The following PLCG2 variants were observed in gnomAD, a reference collection of about 807,000 sequenced individuals.
PLCG2 encodes the protein 1-phosphatidylinositol 4,5-bisphosphate phosphodiesterase gamma-2.
PLCG2 carries 69 observed loss-of-function variants against 175.6 expected under a neutral mutation model. The observed-to-expected ratio is 0.39, with a 90% CI of 0.32 to 0.48. The LOEUF (loss-of-function observed/expected upper bound fraction) is 0.48, where lower values mean the gene tolerates loss of function less well. Ranked by LOEUF, PLCG2 falls within the 20% of genes least tolerant of loss-of-function variation. The pLI is 0.91. For synonymous variants in PLCG2, 827 were observed against 624.0 expected, an observed-to-expected ratio of 1.33 and a Z score of -4.85; for missense variants, 1,798 against 1,650.9, an observed-to-expected ratio of 1.09 and a Z score of -1.54.
At chr16:81,812,943 G>A (rs986838234) in intron 2 of PLCG2, among the ~76,000 whole-genome samples, 2 of 152,174 alleles carry the variant, frequency 1.3e-5, no homozygotes, top group African/African-American at 2.4e-5. Context: ...TCCTTTCCCC[G>A]TTGCTTGTTT....
chr16:81,857,611 T>A (rs12447177), intron 3 of PLCG2, among the ~76,000 whole-genome samples: 46,640 of 151,954 alleles, frequency 0.31, 7,782 homozygotes, highest in South Asian at 0.38. Context: ...CAGGGTGTGC[T>A]TGGATAGAGA....
chr16:81,931,668 C>T lies in PLCG2; in HGVS notation c.2739+14C>T, dbSNP rs1281297047. ...ATTGACACCAAGGTAGGCACCTGCTCACCCGGGTGCAGGTGGGCCTGGCAT... is the reference window on the plus strand; with the variant it reads ...ATTGACACCAAGGTAGGCACCTGCTTACCCGGGTGCAGGTGGGCCTGGCAT... On this transcript the variant is annotated intron_variant, in intron 25 of 32. Coordinates refer to ENST00000564138, the MANE Select transcript of PLCG2 (RefSeq NM_002661.5). 6.8e-6 allele frequency: 11 copies of T among 1,610,510 alleles called. No individual in the cohort carries two copies. Among genetic ancestry groups the T allele is most frequent in the African/African-American group, 1.3e-5 (1 of 74,862 alleles).
At chr16:81,844,143 A>ATTTTTTTTTTTTT (rs60183943) in intron 2 of PLCG2, among the ~76,000 whole-genome samples, 9 of 93,904 alleles carry the variant, frequency 9.6e-5, no homozygotes, top group Non-Finnish European at 1.4e-4. Context: ...CACCCGGCTG[A>ATTTTTTTTTTTTT]TTTTTTTTTT....
At chr16:81,823,208 C>T (rs1904881502) in intron 2 of PLCG2, among the ~76,000 whole-genome samples, 1 of 152,220 alleles carries the variant, frequency 6.6e-6, no homozygotes, top group African/African-American at 2.4e-5. Flanking sequence ...TTCAGTTCAG[C>T]CTAGGGGAGG....
At chr16:81,814,181 G>A (rs1403103621) in intron 2 of PLCG2, among the ~76,000 whole-genome samples, 2 of 152,210 alleles carry the variant, frequency 1.3e-5, no homozygotes, top group African/African-American at 4.8e-5. Flanking sequence ...AAGATACAGC[G>A]GAGGGGAATG....
chr16:81,892,126 C>G (rs1908665754), intron 11 of PLCG2, among the ~76,000 whole-genome samples: 1 of 152,192 alleles, frequency 6.6e-6, no homozygotes, highest in South Asian at 2.1e-4. Flanking sequence ...AGAGGAGCAG[C>G]ATGTGCCAAG....
chr16:81,768,579 T>TTC (rs1378084875), intron 2 of PLCG2, among the ~76,000 whole-genome samples: 32 of 142,784 alleles, frequency 2.2e-4, no homozygotes, highest in African/African-American at 7.5e-4. Flanking sequence ...TTTTTTTTTT[T>TTC]CCCGAGATGG....
chr16:81,958,018 A>C lies in PLCG2; in HGVS notation c.*20A>C. 6.3e-7 allele frequency: 1 copy of C among 1,583,506 alleles called. No individual in the cohort carries two copies. The highest frequency in any genetic ancestry group is 8.7e-7 in the Non-Finnish European group (1 of 1,152,014). On this transcript the variant is annotated 3_prime_UTR_variant, in exon 33 of 33. Coordinates refer to ENST00000564138, the MANE Select transcript of PLCG2 (RefSeq NM_002661.5). Reference sequence around the variant, plus strand: ...TCATAGAAGCTGGGGTATGTGTGTAAGGGTATTGTGTGTGTGCGCATGTGT... The same window carrying C: ...TCATAGAAGCTGGGGTATGTGTGTACGGGTATTGTGTGTGTGCGCATGTGT...
At chr16:81,751,266 C>T (rs1909807669) in intron 1 of PLCG2, among the ~76,000 whole-genome samples, 1 of 152,164 alleles carries the variant, frequency 6.6e-6, no homozygotes, top group African/African-American at 2.4e-5. Context: ...CAGGCATGAG[C>T]CACTGCCTCC....
chr16:81,783,190 A>G (rs1291001121), intron 1 of PLCG2: 1 of 468,870 alleles, frequency 2.1e-6, no homozygotes, highest in Non-Finnish European at 4.3e-6. Flanking sequence ...ACTATGGCCT[A>G]GAGACCTGGG....
At position 81,937,819 on chromosome 16, in the gene PLCG2, G is replaced by A. The variant is rs757350782; in HGVS notation, c.3114G>A (p.Leu1038=). 2.5e-6 allele frequency: 4 copies of A among 1,613,882 alleles called. No individual in the cohort carries two copies. Among genetic ancestry groups the A allele is most frequent in the Non-Finnish European group, 3.4e-6 (4 of 1,179,876 alleles). Residue 1038 remains leucine, a synonymous_variant, in exon 28 of 33, where the codon CTG becomes CTA. Coordinates refer to ENST00000564138, the MANE Select transcript of PLCG2 (RefSeq NM_002661.5). ...FSLNGRTGYV[L]QPESMRTEKY... ...TCAATGGGCGCACGGGCTACGTTCTGCAGCCTGAGAGCATGAGGACAGAGA... is the reference window on the plus strand; with the variant it reads ...TCAATGGGCGCACGGGCTACGTTCTACAGCCTGAGAGCATGAGGACAGAGA...
chr16:81,816,746 C>G (rs1401639374), intron 2 of PLCG2, among the ~76,000 whole-genome samples: 1 of 145,188 alleles, frequency 6.9e-6, no homozygotes, highest in Admixed American at 7.2e-5. Context: ...AAGCAGTCCT[C>G]GCATTTCAGC....
intron 15 of PLCG2, among the ~76,000 whole-genome samples, chr16:81,907,284 A>G (rs1035794718): frequency 3.4e-4 from 52 of 152,110 alleles, no homozygotes; most frequent in Non-Finnish European, 5.0e-4. Flanking sequence ...CAATAAAACC[A>G]GAGACTAAAT....
intron 2 of PLCG2, among the ~76,000 whole-genome samples, chr16:81,771,503 G>T (rs1910280565): frequency 6.6e-6 from 1 of 152,198 alleles, no homozygotes; most frequent in South Asian, 2.1e-4. Context: ...CCTCTGAGAA[G>T]TCTTCGCAGC....
chr16:81,931,301 G>C, intron 24 of PLCG2, 196 bp from the exon 25 acceptor site: 1 of 465,988 alleles, frequency 2.1e-6, no homozygotes, highest in Non-Finnish European at 3.8e-6. Context: ...GGACCCTACT[G>C]AATCTACTGC....
chr16:81,909,645 C>G (rs1228238304), intron 17 of PLCG2, among the ~76,000 whole-genome samples: 59 of 152,008 alleles, frequency 3.9e-4, no homozygotes, highest in Non-Finnish European at 2.6e-4. Flanking sequence ...TTGAACTCAG[C>G]TCAAGCAATC....
intron 25 of PLCG2, among the ~76,000 whole-genome samples, chr16:81,932,473 G>A (rs946023744): frequency 6.6e-6 from 1 of 152,224 alleles, no homozygotes; most frequent in Admixed American, 6.5e-5. Flanking sequence ...GGTTTCCCAT[G>A]CACCCATTTG....
At chr16:81,921,415 AG>A (rs1465934778) in intron 21 of PLCG2, 146 bp downstream of exon 21, 10 of 693,042 alleles carry the variant, frequency 1.4e-5, no homozygotes, top group Non-Finnish European at 2.7e-5. Context: ...TTGAGAAGAA[AG>A]GATGATTGAT....
chr16:81,794,683 A>G (rs1911387726), intron 2 of PLCG2, among the ~76,000 whole-genome samples: 2 of 152,242 alleles, frequency 1.3e-5, no homozygotes, highest in South Asian at 4.1e-4. Context: ...TGATATATGT[A>G]AAATCCTTCA....
Sources: gnomAD v4.1 joint callset for allele counts (sites outside exome capture counted in the v4.1 genomes callset) on GRCh38, gnomAD v4.1.1 for gene constraint, MANE v1.5 for transcripts, NCBI Gene and HGNC (gene_info 2026-07-23, HGNC 2026-07-21) for gene names.